SNX29: variants seen among roughly 807,000 people sequenced by gnomAD.
SNX29 encodes the protein sorting nexin-29.
A neutral mutation model predicts 102.1 loss-of-function variants in SNX29; 78 were observed. The observed-to-expected ratio is 0.76, with a 90% confidence interval of 0.64 to 0.92. SNX29 has a LOEUF of 0.92. SNX29 is among the 40% of genes least tolerant of loss of function. The probability of loss-of-function intolerance (pLI) is 0.00; values close to 1 mark genes in which losing one functional copy is unlikely to be tolerated. For synonymous variants in SNX29, 580 were observed against 414.5 expected (o/e 1.40, Z -4.85); for missense variants, 1,280 against 1,061.7 (o/e 1.21, Z -2.86).
At chr16:12,169,555 G>A (rs1438316080) in intron 13 of SNX29, among the ~76,000 whole-genome samples, 2 of 152,222 alleles carry the variant, frequency 1.3e-5, no homozygotes. Context: ...GGAGGGGATG[G>A]CAGACATTTA....
intron 13 of SNX29, 82 bp from the exon 14 acceptor site, chr16:12,199,519 C>G: frequency 1.7e-6 from 2 of 1,196,888 alleles, no homozygotes; most frequent in South Asian, 2.8e-5. Context: ...TACACAAATT[C>G]ACCACCCACC....
intron 17 of SNX29, among the ~76,000 whole-genome samples, chr16:12,401,074 GC>G (rs2083921439): frequency 7.2e-5 from 11 of 151,984 alleles, no homozygotes; most frequent in Admixed American, 7.2e-4. Flanking sequence ...CTCGTGATCC[GC>G]CTACCTCGGC....
At chr16:12,452,114 A>G (rs2086326878) in intron 18 of SNX29, among the ~76,000 whole-genome samples, 1 of 152,112 alleles carries the variant, frequency 6.6e-6, no homozygotes. Context: ...AGGGATTATC[A>G]TGAGGCTTAA....
intron 12 of SNX29, 132 bp from the exon 13 acceptor site, chr16:12,129,498 T>C: frequency 8.3e-7 from 1 of 1,211,510 alleles, no homozygotes; most frequent in Non-Finnish European, 1.1e-6. Context: ...TGAGATAGAC[T>C]TGAATTATGG....
At position 12,572,699 on chromosome 16, in the gene SNX29, G is replaced by T. The variant is rs551308986; in HGVS notation, c.*4070G>T. Reference sequence around the variant, plus strand: ...ACGGGGGAAGCCCTGCACTCCAGCAGCATCTTCCAGCCTTGGCACAGAACT... The same window carrying T: ...ACGGGGGAAGCCCTGCACTCCAGCATCATCTTCCAGCCTTGGCACAGAACT... On this transcript the variant is annotated 3_prime_UTR_variant, in exon 21 of 21. Coordinates refer to ENST00000566228, the MANE Select transcript of SNX29 (RefSeq NM_032167.5). The T allele has an allele frequency of 6.6e-6, 7 of 1,063,654 alleles. No individual in the cohort carries two copies. The African/African-American group carries it at 1.1e-4, about 17-fold the overall frequency. The allele number at this position is 1,063,654 out of a possible 1,614,324, so 65.9% of individuals were successfully genotyped here.
intron 16 of SNX29, among the ~76,000 whole-genome samples, chr16:12,370,554 C>T (rs111894400): frequency 3.6e-4 from 55 of 152,250 alleles, no homozygotes; most frequent in South Asian, 2.9e-3. Context: ...AGCGAAACTC[C>T]GTCTCAAAAC....
At chr16:12,223,194 C>T (rs1464771964) in intron 14 of SNX29, among the ~76,000 whole-genome samples, 3 of 152,162 alleles carry the variant, frequency 2.0e-5, no homozygotes, top group Non-Finnish European at 4.4e-5. Flanking sequence ...TACATACCCT[C>T]CCTGGGCCTC....
At chr16:12,280,014 G>A (rs1330474124) in intron 15 of SNX29, among the ~76,000 whole-genome samples, 1 of 152,214 alleles carries the variant, frequency 6.6e-6, no homozygotes, top group Non-Finnish European at 1.5e-5. Flanking sequence ...TTCTCCACCT[G>A]TGGGGCTGCT....
intron 20 of SNX29, among the ~76,000 whole-genome samples, chr16:12,548,445 G>A (rs1042585301): frequency 3.9e-5 from 6 of 152,288 alleles, no homozygotes; most frequent in South Asian, 2.1e-4. Flanking sequence ...CCTGTACCAT[G>A]GCATCTGTGT....
At chr16:12,276,913 G>T (rs1034192391) in intron 14 of SNX29, among the ~76,000 whole-genome samples, 1 of 152,136 alleles carries the variant, frequency 6.6e-6, no homozygotes, top group African/African-American at 2.4e-5. Flanking sequence ...TTGACGTTCT[G>T]TGTTGGTTTC....
chr16:12,538,942 A>G (rs2077199869), intron 20 of SNX29, among the ~76,000 whole-genome samples: 2 of 152,192 alleles, frequency 1.3e-5, no homozygotes, highest in Non-Finnish European at 1.5e-5. Context: ...GGCATGTAGC[A>G]GTGCTGTGAA....
At chr16:12,530,325 G>A (rs1021080841) in intron 20 of SNX29, among the ~76,000 whole-genome samples, 5 of 152,182 alleles carry the variant, frequency 3.3e-5, no homozygotes, top group Admixed American at 1.3e-4. Context: ...GAGCCTCGGG[G>A]AAGGAGATTG....
rs1597933164 is a variant in SNX29, at chr16:12,550,337, C to G, written c.2319-18169C>G. On this transcript the variant is annotated intron_variant, in intron 20 of 20. Transcript: ENST00000566228. ...GGGTCACCTGAGGTCGAGTGTGAGA[C>G]CAGCCTAGCCAACAAGAGGAAAACC... Among the ~76,000 whole-genome samples the G allele has an allele frequency of 3.3e-5, 5 of 152,202 alleles. No homozygotes were observed. The East Asian group carries it at 5.8e-4, about 18-fold the overall frequency.
intron 11 of SNX29, among the ~76,000 whole-genome samples, chr16:12,091,942 A>T (rs1205968609): frequency 6.6e-6 from 1 of 152,146 alleles, no homozygotes; most frequent in East Asian, 1.9e-4. Context: ...AACTGTGAGA[A>T]AATCAGTCCC....
chr16:12,563,994 C>T (rs1456645410), intron 20 of SNX29, among the ~76,000 whole-genome samples: 3 of 151,944 alleles, frequency 2.0e-5, no homozygotes, highest in Non-Finnish European at 4.4e-5. Flanking sequence ...TCTGCCCCTG[C>T]AGCACCCTCT....
chr16:12,457,503 C>T (rs368497205), intron 18 of SNX29, among the ~76,000 whole-genome samples: 28 of 152,146 alleles, frequency 1.8e-4, no homozygotes, highest in African/African-American at 6.3e-4. Flanking sequence ...TTGTCTAGAG[C>T]CTGAGCTCTT....
chr16:12,027,394 C>G lies in SNX29; in HGVS notation c.197C>G (p.Thr66Arg). The change falls in exon 4 of 21, where the codon ACA becomes AGA. Residue 66 changes from threonine to arginine, a missense_variant. Physicochemically the swap from Thr to Arg is moderately conservative, Grantham distance 71. Coordinates refer to ENST00000566228, the MANE Select transcript of SNX29 (RefSeq NM_032167.5). ...AAGAGGAGTCGAGGATTGGCACTCA[C>G]AGCGGCAGCGATCAAGCAGGCAGCG... is the stretch of plus-strand genomic sequence containing the variant. ...GLKRSRGLAL[T>R]AAAIKQAAGF... The G allele has an allele frequency of 6.2e-7, 1 of 1,614,152 alleles. No individual in the cohort carries two copies. The highest frequency in any genetic ancestry group is 8.5e-7 in the Non-Finnish European group (1 of 1,180,002).
chr16:12,507,654 G>A (rs1480376460), intron 19 of SNX29, among the ~76,000 whole-genome samples: 1 of 152,194 alleles, frequency 6.6e-6, no homozygotes, highest in Non-Finnish European at 1.5e-5. Flanking sequence ...TGTCTGGACT[G>A]AAGCTGGAAT....
chr16:12,117,926 C>G (rs1195911566), intron 11 of SNX29, among the ~76,000 whole-genome samples: 1 of 151,798 alleles, frequency 6.6e-6, no homozygotes. Context: ...AAACCCTGTC[C>G]CTACTAAAAA....
Sources: allele counts gnomAD v4.1 joint callset (sites outside exome capture counted in the v4.1 genomes callset), GRCh38; gene constraint gnomAD v4.1.1; transcripts MANE v1.5; gene names NCBI Gene and HGNC (gene_info 2026-07-23, HGNC 2026-07-21).